Variants in SYT12 observed in about 807,000 individuals in gnomAD.
SYT12 encodes synaptotagmin 12, also known as synaptotagmin-12.
In SYT12, 27 loss-of-function variants were observed where a neutral mutation model predicts 39.5. The ratio of observed to expected loss-of-function variants is 0.68; its 90% confidence interval spans 0.50 to 0.94. The LOEUF is 0.94. Ranked by LOEUF, SYT12 falls within the 40% of genes least tolerant of loss-of-function variation. SYT12 has a pLI of 0.00. For missense variants in SYT12, 536 were observed against 572.6 expected (o/e 0.94, Z 0.65); for synonymous variants, 233 against 239.7 (o/e 0.97, Z 0.26).
intron 5 of SYT12, among the ~76,000 whole-genome samples, 189 bp from the exon 6 acceptor site, chr11:67,044,404 G>A (rs528066240): frequency 2.4e-4 from 36 of 152,222 alleles, no homozygotes; most frequent in African/African-American, 8.4e-4. Flanking sequence ...ATGCAGTGGC[G>A]GGGGGTGGGT....
At chr11:67,047,268 ATT>A (rs1168005453) in intron 7 of SYT12, among the ~76,000 whole-genome samples, 15 of 130,002 alleles carry the variant, frequency 1.2e-4, no homozygotes, top group East Asian at 2.2e-4. Context: ...CCCACCCCCA[ATT>A]TTTTTTTTTT....
At chr11:67,026,304 C>T (rs1950179967) in intron 1 of SYT12, among the ~76,000 whole-genome samples, 1 of 151,958 alleles carries the variant, frequency 6.6e-6, no homozygotes, top group East Asian at 1.9e-4. Flanking sequence ...TGGAGTTTTG[C>T]TCTTGTTGCC....
intron 3 of SYT12, among the ~76,000 whole-genome samples, chr11:67,015,477 G>A (rs1189909948): frequency 6.6e-6 from 1 of 152,136 alleles, no homozygotes; most frequent in South Asian, 2.1e-4. Context: ...GTGGTGGGGG[G>A]TTGTGGCATG....
chr11:67,037,868 C>T (rs1287902021), intron 3 of SYT12, among the ~76,000 whole-genome samples: 1 of 141,962 alleles, frequency 7.0e-6, no homozygotes, highest in African/African-American at 2.6e-5. Flanking sequence ...GGCGACAGAG[C>T]GAGGCTCCCC....
At position 67,044,657 on chromosome 11, in the gene SYT12, C is replaced by T. The variant is rs761106078; in HGVS notation, c.902C>T (p.Thr301Ile). ...TACCTCCCCACAGCCGAGCGCCTCA[C>T]CGTGGTCGTGGTTAAGGCCAAGAAC... ...LSYLPTAERL[T>I]VVVVKAKNLI... is the part of the protein sequence containing the mutation. The change falls in exon 6 of 8, where the codon ACC (threonine) becomes ATC (isoleucine). Residue 301 changes from threonine (T) to isoleucine (I), a missense_variant. Thr to Ile is a moderately conservative substitution (Grantham distance 89). Transcript: ENST00000527043. The T allele has an allele frequency of 1.2e-6, 2 of 1,613,710 alleles. No homozygotes were observed. Among genetic ancestry groups the T allele is most frequent in the Admixed American group, 1.7e-5 (1 of 60,024 alleles).
intron 2 of SYT12, chr11:67,031,394 G>A (rs946667789): frequency 1.3e-5 from 2 of 152,344 alleles, no homozygotes; most frequent in Middle Eastern, 3.4e-3. Context: ...TGCAGATCTG[G>A]ACCCAGTCTG....
intron 3 of SYT12, among the ~76,000 whole-genome samples, chr11:67,016,245 C>T (rs1436338782): frequency 6.6e-6 from 1 of 152,174 alleles, no homozygotes; most frequent in Non-Finnish European, 1.5e-5. Context: ...CGCACCGCTG[C>T]ACTCCAGCCT....
chr11:67,027,803 T>C (rs1286430299), intron 1 of SYT12: 1 of 152,246 alleles, frequency 6.6e-6, no homozygotes, highest in Non-Finnish European at 1.5e-5. Flanking sequence ...TGTCCCAGCT[T>C]GGCCCCACTC....
Position 67,049,105 on chromosome 11 carries a change from C to A in SYT12, c.*348C>A. 1 of 211,884 alleles carries A rather than the reference C, an allele frequency of 4.7e-6. No individual in the cohort carries two copies. The highest frequency in any genetic ancestry group is 9.6e-6 in the Non-Finnish European group (1 of 104,702). The allele number at this position is 211,884 out of a possible 1,614,324, so 13.1% of individuals were successfully genotyped here. The stretch of plus-strand genomic sequence containing the variant: ...GTGCTAGGCACCAGCAGGGGTAACA[C>A]GAAGAAGACCCGGCCCTTAGGGCAT... On this transcript the variant is annotated 3_prime_UTR_variant, in exon 8 of 8. Transcript: ENST00000527043.
intron 1 of SYT12, 26 bp downstream of exon 1, chr11:67,023,486 G>T (rs1950138712): frequency 6.6e-6 from 1 of 151,484 alleles, no homozygotes; most frequent in African/African-American, 2.4e-5. Context: ...GCCGACCCCC[G>T]TGCGCGGCCG....
At chr11:67,043,938 C>A in intron 5 of SYT12, 85 bp downstream of exon 5, 1 of 1,246,116 alleles carries the variant, frequency 8.0e-7, no homozygotes, top group Non-Finnish European at 1.1e-6. Context: ...CCTCATCATC[C>A]TCTGCAATAG....
At chr11:67,029,603 C>T (rs1950229790) in intron 1 of SYT12, 1 of 152,866 alleles carries the variant, frequency 6.5e-6, no homozygotes, top group Admixed American at 6.5e-5. Context: ...CCTGTAATCT[C>T]AGCACTTTGG....
At chr11:67,034,588 G>A (rs953133245) in intron 2 of SYT12, 57 bp from the exon 3 acceptor site, 15 of 1,498,458 alleles carry the variant, frequency 1.0e-5, no homozygotes, top group African/African-American at 1.4e-5. Flanking sequence ...GCTGCTCCCC[G>A]GGTGGGGGTC....
At chr11:67,035,002 CTT>C (rs11316433) in intron 3 of SYT12, among the ~76,000 whole-genome samples, 164 bp downstream of exon 3, 36 of 112,100 alleles carry the variant, frequency 3.2e-4, no homozygotes, top group African/African-American at 8.4e-4. Flanking sequence ...ACATCTTCAA[CTT>C]TTTTTTTTTT....
chr11:67,011,117 G>A (rs938217207), intron 3 of SYT12: 8 of 152,168 alleles, frequency 5.3e-5, no homozygotes, highest in Non-Finnish European at 1.0e-4. Context: ...CCAGCTTCTT[G>A]GGAGGCTGAG....
At chr11:67,019,818 G>C (rs1286417819), upstream of SYT12, among the ~76,000 whole-genome samples, 1 of 151,390 alleles carries the variant, frequency 6.6e-6, no homozygotes, top group East Asian at 2.0e-4. Flanking sequence ...GATCACCTGA[G>C]CCTGGGTGGT....
intron 4 of SYT12, among the ~76,000 whole-genome samples, chr11:67,043,164 C>T (rs1950546888): frequency 6.6e-6 from 1 of 152,192 alleles, no homozygotes; most frequent in African/African-American, 2.4e-5. Flanking sequence ...GTTGGCCCAA[C>T]CTCGCCTAGT....
intron 3 of SYT12, among the ~76,000 whole-genome samples, chr11:67,036,091 T>TA (rs1555066367): frequency 1.3e-5 from 2 of 151,580 alleles, no homozygotes; most frequent in African/African-American, 4.9e-5. Flanking sequence ...ATTTTTTTTT[T>TA]ATTTTTTGTA....
At chr11:67,044,446 GC>G (rs1565342982) in intron 5 of SYT12, 146 bp from the exon 6 acceptor site, 2 of 1,076,222 alleles carry the variant, frequency 1.9e-6, no homozygotes, top group African/African-American at 3.2e-5. Flanking sequence ...GTCCCTGCCT[GC>G]CTGGAGCCCT....
Sources: gnomAD v4.1 joint callset for allele counts (sites outside exome capture counted in the v4.1 genomes callset) on GRCh38, gnomAD v4.1.1 for gene constraint, MANE v1.5 for transcripts, NCBI Gene and HGNC (gene_info 2026-07-23, HGNC 2026-07-21) for gene names.